DSCC1: variants seen among roughly 807,000 people sequenced by gnomAD.
DSCC1 encodes DNA replication and sister chromatid cohesion 1, also known as sister chromatid cohesion protein DCC1.
Under a neutral mutation model 48.2 loss-of-function variants are expected in DSCC1, and 32 were observed. That is an observed-to-expected ratio of 0.66 (90% CI 0.50 to 0.89). DSCC1 has a LOEUF of 0.89. Ranked by LOEUF, DSCC1 falls within the 40% of genes least tolerant of loss-of-function variation. The pLI is 0.00. For synonymous variants in DSCC1, 150 were observed against 171.5 expected (o/e 0.87, Z 0.98); for missense variants, 421 against 471.7 (o/e 0.89, Z 1.00).
chr8:119,851,220 T>C (rs7009770), intron 2 of DSCC1, among the ~76,000 whole-genome samples: 6,999 of 152,202 alleles, frequency 0.046, 265 homozygotes, highest in South Asian at 0.13. Context: ...TGGATTATCT[T>C]TGGGATGCCC....
intron 2 of DSCC1, among the ~76,000 whole-genome samples, chr8:119,851,518 G>T (rs1349581565): frequency 6.6e-6 from 1 of 152,266 alleles, no homozygotes; most frequent in Middle Eastern, 3.4e-3. Flanking sequence ...GGGGAGGTTT[G>T]GCATAGTGTT....
chr8:119,834,839 T>C lies in DSCC1; in HGVS notation c.*54A>G, dbSNP rs1413699386. The C allele has an allele frequency of 2.5e-6, 3 of 1,213,208 alleles. No individual in the cohort carries two copies. Among genetic ancestry groups the C allele is most frequent in the Non-Finnish European group, 3.6e-6 (3 of 831,562 alleles). The allele number at this position is 1,213,208 out of a possible 1,614,324, so 75.2% of individuals were successfully genotyped here. ...ATAAAAGTACAAGTTATTTTTCTTC[T>C]ATCCAGCAACTTTATAAAGCAACTT... On this transcript the variant is annotated 3_prime_UTR_variant, in exon 9 of 9. Transcript: ENST00000313655.
Position 119,843,740 on chromosome 8 carries a change from C to A in DSCC1, c.585G>T (p.Trp195Cys). The change falls in exon 5 of 9, where the codon TGG becomes TGT. Residue 195 changes from tryptophan (W) to cysteine (C), a missense_variant. Trp to Cys is a radical substitution (Grantham distance 215, BLOSUM62 -2). Transcript: ENST00000313655. ...VLNACKIGGY[W>C]RILEFDYEMK... is the part of the protein sequence containing the mutation. ...TCTCATAATCAAATTCAAGAATCCTCCAATAACCTACAAATTTCAAAAGTT... is the reference window on the plus strand; with the variant it reads ...TCTCATAATCAAATTCAAGAATCCTACAATAACCTACAAATTTCAAAAGTT... 1 of 1,602,212 alleles carries A rather than the reference C, an allele frequency of 6.2e-7. No individual in the cohort carries two copies. Among genetic ancestry groups the A allele is most frequent in the Non-Finnish European group, 8.5e-7 (1 of 1,177,126 alleles).
intron 4 of DSCC1, among the ~76,000 whole-genome samples, chr8:119,844,361 C>T (rs983483629): frequency 6.2e-4 from 93 of 151,100 alleles, no homozygotes; most frequent in African/African-American, 2.2e-3. Flanking sequence ...ATTGCTTGAA[C>T]CTGGGAGGCC....
intron 4 of DSCC1, among the ~76,000 whole-genome samples, chr8:119,845,646 T>TAAA: frequency 6.9e-6 from 1 of 144,076 alleles, no homozygotes; most frequent in African/African-American, 2.5e-5. Flanking sequence ...CATTTGCCTT[T>TAAA]AAAAAAAAAA....
chr8:119,855,807 G>T lies in DSCC1; in HGVS notation c.-12C>A. On this transcript the variant is annotated 5_prime_UTR_variant, in exon 1 of 9. Coordinates refer to ENST00000313655, the MANE Select transcript of DSCC1 (RefSeq NM_024094.3). ...CGGGTCCTCTTCATCGCAGCGCCGGGTCTAGGAGTCCCGCCGCGCCCGGGT... is the reference window on the plus strand; with the variant it reads ...CGGGTCCTCTTCATCGCAGCGCCGGTTCTAGGAGTCCCGCCGCGCCCGGGT... 2.1e-6 allele frequency: 3 copies of T among 1,461,196 alleles called. No homozygotes were observed. Among genetic ancestry groups the T allele is most frequent in the Non-Finnish European group, 2.7e-6 (3 of 1,107,484 alleles). 90.5% of individuals were successfully genotyped at this position (1,461,196 alleles called of 1,614,324 possible).
intron 5 of DSCC1, 125 bp from the exon 6 acceptor site, chr8:119,842,953 C>T (rs1012574067): frequency 2.9e-5 from 22 of 757,412 alleles, no homozygotes; most frequent in Non-Finnish European, 4.3e-5. Flanking sequence ...ATTTTGGTTG[C>T]CAAATATTAT....
chr8:119,835,610 A>G (rs1365043199), intron 8 of DSCC1, among the ~76,000 whole-genome samples: 1 of 152,218 alleles, frequency 6.6e-6, no homozygotes, highest in African/African-American at 2.4e-5. Flanking sequence ...GTAATAAATG[A>G]GAGTCAAATC....
Position 119,834,636 on chromosome 8 carries a change from C to A in DSCC1, c.*257G>T. The stretch of plus-strand genomic sequence containing the variant: ...ATAAAAAGCCAAACTTTAAATAAAT[C>A]ATAGAGACCTCAGACATAATATAGG... On this transcript the variant is annotated 3_prime_UTR_variant, in exon 9 of 9. Coordinates refer to ENST00000313655, the MANE Select transcript of DSCC1 (RefSeq NM_024094.3). 2 of 314,236 alleles carry A rather than the reference C, an allele frequency of 6.4e-6. No individual in the cohort carries two copies. Among genetic ancestry groups the A allele is most frequent in the South Asian group, 4.8e-5 (1 of 20,656 alleles). 19.5% of individuals were successfully genotyped at this position (314,236 alleles called of 1,614,324 possible).
Position 119,850,382 on chromosome 8 carries a change from T to A in DSCC1, c.486A>T (p.Lys162Asn). ...SQKEKDSNSS[K>N]YTTEDLLDQI... is the part of the protein sequence containing the mutation. ...ATAAAAAAGTGAAAATAAGTCTTAC[T>A]TTTGAGCTATTTGAATCCTTCTCTT... Residue 162 changes from lysine to asparagine, a missense_variant and splice_region_variant, in exon 3 of 9, where the codon AAA becomes AAT. Lys to Asn is a moderately conservative substitution (Grantham distance 94, BLOSUM62 0). Transcript: ENST00000313655. The A allele has an allele frequency of 6.4e-7, 1 of 1,561,054 alleles. No individual in the cohort carries two copies. The highest frequency in any genetic ancestry group is 8.6e-7 in the Non-Finnish European group (1 of 1,162,884).
At position 119,855,785 on chromosome 8, in the gene DSCC1, G is replaced by A; in HGVS notation, c.11C>T (p.Thr4Ile). 2.0e-6 allele frequency: 3 copies of A among 1,536,798 alleles called. No individual in the cohort carries two copies. Among genetic ancestry groups the A allele is most frequent in the Admixed American group, 1.9e-5 (1 of 52,662 alleles). The change falls in exon 1 of 9, where the codon ACC becomes ATC. Residue 4 changes from threonine to isoleucine, a missense_variant. Physicochemically the swap from Thr to Ile is moderately conservative, Grantham distance 89. Around this residue, in one of 3 missense-constraint regions of DSCC1, gnomAD observed 174 missense variants for 184.5 expected, o/e 0.94. Coordinates refer to ENST00000313655, the MANE Select transcript of DSCC1 (RefSeq NM_024094.3). Reference sequence around the variant, plus strand: ...CAGCGTCGCATCCACCTCGTCGCGGGTCCTCTTCATCGCAGCGCCGGGTCT... The same window carrying A: ...CAGCGTCGCATCCACCTCGTCGCGGATCCTCTTCATCGCAGCGCCGGGTCT... Reference protein sequence around the residue: MKRTRDEVDATLQI... With the variant: MKRIRDEVDATLQI...
chr8:119,850,258 CT>C, intron 3 of DSCC1, 123 bp downstream of exon 3: 1 of 1,020,000 alleles, frequency 9.8e-7, no homozygotes, highest in African/African-American at 1.7e-5. Context: ...AATTTTATAA[CT>C]TTTTTAACAC....
chr8:119,848,320 A>C (rs1250367616), intron 3 of DSCC1, among the ~76,000 whole-genome samples: 1 of 152,226 alleles, frequency 6.6e-6, no homozygotes, highest in African/African-American at 2.4e-5. Context: ...AAAGCAAGAA[A>C]GTCGAAAGAC....
chr8:119,855,464 G>A (rs2131315263), intron 1 of DSCC1, 150 bp downstream of exon 1: 1 of 1,085,982 alleles, frequency 9.2e-7, no homozygotes, highest in South Asian at 1.7e-5. Flanking sequence ...GCCCACCGGA[G>A]GCGTGGACTC....
intron 3 of DSCC1, 73 bp from the exon 4 acceptor site, chr8:119,847,153 G>C (rs1718272938): frequency 7.8e-7 from 1 of 1,273,926 alleles, no homozygotes; most frequent in Non-Finnish European, 1.1e-6. Context: ...GAATATTGAG[G>C]AATAAATACA....
chr8:119,850,028 TA>T (rs962921421), intron 3 of DSCC1, among the ~76,000 whole-genome samples: 51 of 152,214 alleles, frequency 3.4e-4, no homozygotes, highest in African/African-American at 1.1e-3. Context: ...TTTTTACCTC[TA>T]AAAAAACTAT....
intron 1 of DSCC1, 45 bp downstream of exon 1, chr8:119,855,569 A>C (rs1293975688): frequency 6.6e-7 from 1 of 1,516,110 alleles, no homozygotes; most frequent in Non-Finnish European, 8.8e-7. Flanking sequence ...TGAGAAAATA[A>C]CGTGGCCGGC....
chr8:119,834,720 T>A lies in DSCC1; in HGVS notation c.*173A>T. The A allele has an allele frequency of 1.7e-6, 1 of 605,100 alleles. No individual in the cohort carries two copies. The highest frequency in any genetic ancestry group is 1.9e-5 in the South Asian group (1 of 52,112). The allele number at this position is 605,100 out of a possible 1,614,324, so 37.5% of individuals were successfully genotyped here. ...CATAGTACAAATATAATTTTAAAGC[T>A]ACATCCTATAACATTTAAGAAATAA... On this transcript the variant is annotated 3_prime_UTR_variant, in exon 9 of 9. Coordinates refer to ENST00000313655, the MANE Select transcript of DSCC1 (RefSeq NM_024094.3).
At position 119,853,039 on chromosome 8, in the gene DSCC1, A is replaced by C; in HGVS notation, c.351+8T>G. 1 of 1,596,192 alleles carries C rather than the reference A, an allele frequency of 6.3e-7. No individual in the cohort carries two copies. Among genetic ancestry groups the C allele is most frequent in the Non-Finnish European group, 8.6e-7 (1 of 1,169,090 alleles). On this transcript the variant is annotated splice_region_variant and intron_variant, in intron 2 of 8. Transcript: ENST00000313655. ...GACTTTTATAAATCAGAGTACAGAA[A>C]AGAGCACCTCAGTGTGAATAATGTT...
Sources: allele counts gnomAD v4.1 joint callset (sites outside exome capture counted in the v4.1 genomes callset), GRCh38; gene constraint gnomAD v4.1.1; regional missense constraint gnomAD v4.1.1; transcripts MANE v1.5; gene names NCBI Gene and HGNC (gene_info 2026-07-23, HGNC 2026-07-21).